EVI5L: variants seen among roughly 807,000 people sequenced by gnomAD.
EVI5L encodes ecotropic viral integration site 5 like.
In EVI5L, 30 loss-of-function variants were observed where a neutral mutation model predicts 106.1. The observed-to-expected ratio is 0.28, with a 90% CI of 0.21 to 0.38. EVI5L has a LOEUF of 0.38. EVI5L is among the 10% of genes least tolerant of loss of function. The probability of loss-of-function intolerance (pLI) is 1.00; values close to 1 mark genes in which losing one functional copy is unlikely to be tolerated. For missense variants in EVI5L, 809 were observed against 1,098.0 expected, an observed-to-expected ratio of 0.74 and a Z score of 3.72; for synonymous variants, 489 against 483.3, an observed-to-expected ratio of 1.01 and a Z score of -0.15.
intron 17 of EVI5L, among the ~76,000 whole-genome samples, chr19:7,862,736 G>GCCC (rs1979891661): frequency 2.5e-4 from 12 of 47,984 alleles, no homozygotes; most frequent in African/African-American, 3.5e-4. Flanking sequence ...CCCGCCTCCT[G>GCCC]ACCACCCCCC....
chr19:7,852,994 T>G (rs1175858885), intron 8 of EVI5L, 92 bp from the exon 9 acceptor site: 14 of 1,274,878 alleles, frequency 1.1e-5, no homozygotes, highest in Middle Eastern at 1.9e-4. Flanking sequence ...GCAGACCCGT[T>G]CCTGCCCCCC....
chr19:7,840,080 G>A (rs1978534656), intron 1 of EVI5L, among the ~76,000 whole-genome samples: 1 of 152,158 alleles, frequency 6.6e-6, no homozygotes, highest in Non-Finnish European at 1.5e-5. Flanking sequence ...TGGCACCGGG[G>A]ACCCAGATAG....
chr19:7,851,876 G>T (rs536102780), intron 8 of EVI5L, 106 bp downstream of exon 8: 22 of 1,069,634 alleles, frequency 2.1e-5, no homozygotes, highest in Middle Eastern at 3.2e-4. Context: ...AGGGTGGAAG[G>T]TGGTGTGCCT....
chr19:7,840,991 G>A (rs1296295777), intron 1 of EVI5L, among the ~76,000 whole-genome samples: 1 of 152,192 alleles, frequency 6.6e-6, no homozygotes, highest in African/African-American at 2.4e-5. Context: ...TGGTGACAGT[G>A]TGTTTAAGTC....
At chr19:7,843,392 C>CGTGTGTGTGT (rs1555692199) in intron 1 of EVI5L, among the ~76,000 whole-genome samples, 2 of 107,138 alleles carry the variant, frequency 1.9e-5, no homozygotes, top group Non-Finnish European at 3.7e-5. Context: ...CGAGTGTGTG[C>CGTGTGTGTGT]ATAGGTGTGT....
chr19:7,847,905 A>T lies in EVI5L; in HGVS notation c.311A>T (p.Lys104Met). ...ANEWEEWRRR[K>M]EKLLKELIRK... ...GAGTGGGAGGAGTGGCGGCGCAGGA[A>T]GGAGAAGCTGCTCAAGGTGGGGGGC... The change falls in exon 3 of 20, where the codon AAG becomes ATG. Residue 104 changes from lysine (K) to methionine (M), a missense_variant. Transcript: ENST00000538904. 1 of 1,555,666 alleles carries T rather than the reference A, an allele frequency of 6.4e-7. No homozygotes were observed. The highest frequency in any genetic ancestry group is 8.7e-7 in the Non-Finnish European group (1 of 1,148,960).
At position 7,850,473 on chromosome 19, in the gene EVI5L, G is replaced by A. The variant is rs1225093241; in HGVS notation, c.753+351G>A. On this transcript the variant is annotated intron_variant, in intron 6 of 19. Transcript: ENST00000538904. The surrounding 1 kb of genome is among the most constrained non-coding windows in gnomAD (Gnocchi z 5.4). ...GAGTGTGGTGGAAGGAGGGAGTGTT[G>A]TCTGCCTGCCTGATTACTGGAGAGC... is the stretch of plus-strand genomic sequence containing the variant. Among the ~76,000 whole-genome samples the A allele has an allele frequency of 6.6e-6, 1 of 152,160 alleles. No individual in the cohort carries two copies. The highest frequency in any genetic ancestry group is 2.4e-5 in the African/African-American group (1 of 41,424).
At chr19:7,831,307 T>G (rs568036667) in intron 1 of EVI5L, among the ~76,000 whole-genome samples, 1 of 137,490 alleles carries the variant, frequency 7.3e-6, no homozygotes, top group East Asian at 2.2e-4. Context: ...ACAGAAAAAC[T>G]TAAGAGCTCC....
chr19:7,851,688 A>C lies in EVI5L; in HGVS notation c.905A>C (p.Glu302Ala). Residue 302 changes from glutamate (E) to alanine (A), a missense_variant, in exon 8 of 20, where the codon GAG becomes GCG. This residue lies in a region of EVI5L where 357 missense variants were observed against 588.1 expected (regional missense o/e 0.61). Coordinates refer to ENST00000538904, the MANE Select transcript of EVI5L (RefSeq NM_001159944.3). ...VFDIFMYEGLEIVFRVGLALL... is the reference protein window; with the variant it reads ...VFDIFMYEGLAIVFRVGLALL... ...CCTTTGCCGCCTTTGCAGGGGCTGG[A>C]GATCGTGTTCCGAGTGGGCCTCGCC... is the stretch of plus-strand genomic sequence containing the variant. The C allele has an allele frequency of 6.3e-7, 1 of 1,580,676 alleles. No individual in the cohort carries two copies. Among genetic ancestry groups the C allele is most frequent in the Non-Finnish European group, 8.6e-7 (1 of 1,166,266 alleles).
rs752990159 is a variant in EVI5L, at chr19:7,851,541, C to T, written c.861C>T (p.Pro287=). 21 of 1,612,864 alleles carry T rather than the reference C, an allele frequency of 1.3e-5. No homozygotes were observed. The highest frequency in any genetic ancestry group is 8.9e-5 in the East Asian group (4 of 44,854). The change falls in exon 7 of 20, where the codon CCC becomes CCT. Residue 287 remains proline, a synonymous_variant. Coordinates refer to ENST00000538904, the MANE Select transcript of EVI5L (RefSeq NM_001159944.3). The part of the protein sequence containing the change: ...LTLFLTTFPL[P]VATRVFDIFM... Reference sequence around the variant, plus strand: ...TGTTCCTGACCACCTTCCCACTCCCCGTCGCCACCCGGGTCTTTGACATCT... The same window carrying T: ...TGTTCCTGACCACCTTCCCACTCCCTGTCGCCACCCGGGTCTTTGACATCT...
intron 10 of EVI5L, among the ~76,000 whole-genome samples, chr19:7,854,972 A>G (rs1052157074): frequency 6.6e-6 from 1 of 152,014 alleles, no homozygotes; most frequent in Non-Finnish European, 1.5e-5. Context: ...CAGGGCCCTC[A>G]CTCACCTGCC....
At position 7,835,258 on chromosome 19, in the gene EVI5L, A is replaced by C. The variant is rs1374206751; in HGVS notation, c.-48+4877A>C. 6.6e-6 allele frequency among the ~76,000 whole-genome samples: 1 copy of C among 152,200 alleles called. No individual in the cohort carries two copies. Among genetic ancestry groups the C allele is most frequent in the Non-Finnish European group, 1.5e-5 (1 of 68,038 alleles). On this transcript the variant is annotated intron_variant, in intron 1 of 19. Transcript: ENST00000538904. The surrounding 1 kb of genome is among the most constrained non-coding windows in gnomAD (Gnocchi z 4.1). The stretch of plus-strand genomic sequence containing the variant: ...AGCGGTGGCTCACACCTGTAATCCC[A>C]GTACTTTGGGAGGCTGAGGCGGGTG...
intron 1 of EVI5L, among the ~76,000 whole-genome samples, chr19:7,844,883 C>T (rs891910402): frequency 6.6e-6 from 1 of 152,192 alleles, no homozygotes; most frequent in Non-Finnish European, 1.5e-5. Flanking sequence ...AATGGCGCAC[C>T]TCCCCCAACC....
intron 14 of EVI5L, among the ~76,000 whole-genome samples, chr19:7,861,605 A>T (rs1349742367): frequency 6.6e-6 from 1 of 152,140 alleles, no homozygotes; most frequent in Non-Finnish European, 1.5e-5. Flanking sequence ...GACCTCGGGG[A>T]GTCAGTGTGT....
At chr19:7,846,748 G>T in intron 2 of EVI5L, 69 bp downstream of exon 2, 1 of 1,554,638 alleles carries the variant, frequency 6.4e-7, no homozygotes, top group Non-Finnish European at 8.7e-7. Context: ...GAGTTCCCAG[G>T]TGCCCTCACA....
Position 7,845,017 on chromosome 19 carries a change from G to T in EVI5L, c.-47-1479G>T, listed in dbSNP as rs1320728628. ...CAGTGACCCAACGGTAGTCAGGCAGGTATAGAGTGGTCTGCTATGGTCCCG... is the reference window on the plus strand; with the variant it reads ...CAGTGACCCAACGGTAGTCAGGCAGTTATAGAGTGGTCTGCTATGGTCCCG... On this transcript the variant is annotated intron_variant, in intron 1 of 19. Coordinates refer to ENST00000538904, the MANE Select transcript of EVI5L (RefSeq NM_001159944.3). The surrounding 1 kb of genome is among the most constrained non-coding windows in gnomAD (Gnocchi z 4.0). Among the ~76,000 whole-genome samples, 1 of 152,094 alleles carries T rather than the reference G, an allele frequency of 6.6e-6. No individual in the cohort carries two copies. The highest frequency in any genetic ancestry group is 1.5e-5 in the Non-Finnish European group (1 of 68,018).
chr19:7,834,354 T>A (rs1842865704), intron 1 of EVI5L, among the ~76,000 whole-genome samples: 1 of 151,964 alleles, frequency 6.6e-6, no homozygotes, highest in African/African-American at 2.4e-5. Flanking sequence ...TAAAAATTTT[T>A]AAAAAAAGAA....
chr19:7,849,199 A>G, intron 4 of EVI5L, 54 bp downstream of exon 4: 3 of 1,612,882 alleles, frequency 1.9e-6, no homozygotes, highest in Non-Finnish European at 2.5e-6. Context: ...GAAGTTCCCC[A>G]GTTCACCGGC....
intron 1 of EVI5L, among the ~76,000 whole-genome samples, chr19:7,833,556 C>A (rs950857255): frequency 1.3e-5 from 2 of 152,236 alleles, no homozygotes; most frequent in Admixed American, 1.3e-4. Context: ...GAAGGCACAG[C>A]AGGGATGACG....
Sources: gnomAD v4.1 joint callset for allele counts (sites outside exome capture counted in the v4.1 genomes callset) on GRCh38, gnomAD v4.1.1 for gene constraint, gnomAD v4.1.1 regional missense constraint, Gnocchi (gnomAD v3.1) non-coding constraint, MANE v1.5 for transcripts, NCBI Gene and HGNC (gene_info 2026-07-23, HGNC 2026-07-21) for gene names.